PAGE4: variants seen among roughly 807,000 people sequenced by gnomAD.
PAGE4 encodes P antigen family member 4.
A neutral mutation model predicts 8.5 loss-of-function variants in PAGE4; 1 was observed. The ratio of observed to expected loss-of-function variants is 0.12; its 90% CI spans 0.04 to 0.56. The LOEUF is 0.56. Among genes scored for constraint, PAGE4 ranks in the 20% least tolerant of loss-of-function variants. The pLI is 0.91. For missense variants in PAGE4, 93 were observed against 82.7 expected (o/e 1.13, Z -0.49); for synonymous variants, 26 against 26.3 (o/e 0.99, Z 0.04).
At chrX:49,830,251 G>T in intron 1 of PAGE4, 148 bp from the exon 2 acceptor site, 1 of 375,283 alleles carries the variant, frequency 2.7e-6, no homozygotes, top group South Asian at 6.6e-5. Context: ...AAAGCAGTTT[G>T]CAGATAGATT....
intron 4 of PAGE4, among the ~76,000 whole-genome samples, chrX:49,833,174 T>C (rs1557156802): frequency 8.9e-6 from 1 of 111,797 alleles, no homozygotes; most frequent in African/African-American, 3.2e-5. Context: ...TGTATATATT[T>C]TTTAACGTGC....
chrX:49,833,759 C>T (rs1422849946), intron 4 of PAGE4, 87 bp from the exon 5 acceptor site: 1 of 680,281 alleles, frequency 1.5e-6, no homozygotes, highest in East Asian at 3.4e-5. Flanking sequence ...CTTAAGAAAC[C>T]AAAACTAGTG....
At chrX:49,833,390 C>T (rs782312188) in intron 4 of PAGE4, among the ~76,000 whole-genome samples, 1 of 112,041 alleles carries the variant, frequency 8.9e-6, no homozygotes, top group African/African-American at 3.2e-5. Context: ...AATGGAATGG[C>T]ATTCTTTGAC....
intron 3 of PAGE4, 109 bp downstream of exon 3, chrX:49,831,193 C>T (rs1923469488): frequency 1.9e-6 from 1 of 517,009 alleles, no homozygotes; most frequent in South Asian, 2.9e-5. Flanking sequence ...TAAAGTAATC[C>T]TTGGTAAGGG....
rs1557156521 is a variant in PAGE4 at position 49,831,021 on chromosome X, C to A, written c.103C>A (p.Pro35Thr). Residue 35 changes from proline (P) to threonine (T), a missense_variant, in exon 3 of 5, where the codon CCA becomes ACA. Pro to Thr is a conservative substitution (Grantham distance 38). Transcript: ENST00000218068. ...GCCCGGTGAATCTCAGCAAGAGGAA[C>A]CACCAACTGACAATCAGGATATTGA... ...VAPGESQQEE[P>T]PTDNQDIEPG... 1 of 1,192,872 alleles carries A rather than the reference C, an allele frequency of 8.4e-7. No individual in the cohort carries two copies. Among genetic ancestry groups the A allele is most frequent in the South Asian group, 1.9e-5 (1 of 53,519 alleles).
At chrX:49,829,791 C>T (rs1923420951) in intron 1 of PAGE4, 1 of 112,065 alleles carries the variant, frequency 8.9e-6, no homozygotes, top group African/African-American at 3.2e-5. Context: ...GACTGAGACT[C>T]AGTGGGTGGG....
chrX:49,830,884 C>T, intron 2 of PAGE4, 113 bp from the exon 3 acceptor site: 1 of 520,324 alleles, frequency 1.9e-6, no homozygotes, highest in Non-Finnish European at 3.3e-6. Flanking sequence ...AAAACCTCTT[C>T]AGATTTATTT....
At chrX:49,830,224 C>A (rs112946017) in intron 1 of PAGE4, 175 bp from the exon 2 acceptor site, 1 of 356,452 alleles carries the variant, frequency 2.8e-6, no homozygotes, top group Non-Finnish European at 4.8e-6. Context: ...CTCTGCCGAG[C>A]TGGCTGTGGA....
chrX:49,831,321 T>C, intron 3 of PAGE4: 1 of 346,068 alleles, frequency 2.9e-6, no homozygotes, highest in Non-Finnish European at 4.9e-6. Context: ...TTGCCAAGAC[T>C]CTATATTAGC....
rs781854264 is a variant in PAGE4, at chrX:49,832,612, C to T, written c.254C>T (p.Thr85Ile). 2.5e-6 allele frequency: 3 copies of T among 1,202,540 alleles called. No individual in the cohort carries two copies. The highest frequency in any genetic ancestry group is 3.4e-6 in the Non-Finnish European group (3 of 889,418). The change falls in exon 4 of 5, where the codon ACT becomes ATT. Residue 85 changes from threonine to isoleucine, a missense_variant. Physicochemically the swap from Thr to Ile is moderately conservative, Grantham distance 89. Coordinates refer to ENST00000218068, the MANE Select transcript of PAGE4 (RefSeq NM_007003.4). ...GATGGCTCTGATGTAAAAGAGAAGA[C>T]TCCACCTAATCCTAAGCATGCTAAG... ...RGDGSDVKEK[T>I]PPNPKHAKTK...
intron 3 of PAGE4, among the ~76,000 whole-genome samples, chrX:49,832,102 A>C (rs1923494749): frequency 8.9e-6 from 1 of 111,755 alleles, no homozygotes; most frequent in Admixed American, 9.5e-5. Flanking sequence ...AATGTTCTTT[A>C]ATTTGGGTTT....
chrX:49,832,465 A>G, intron 3 of PAGE4, 60 bp from the exon 4 acceptor site: 1 of 801,629 alleles, frequency 1.2e-6, no homozygotes, highest in Non-Finnish European at 1.8e-6. Flanking sequence ...AGCTTTATTT[A>G]ATAACACTAA....
Position 49,830,418 on chromosome X carries a change from T to C in PAGE4, c.-11T>C. The C allele has an allele frequency of 8.5e-7, 1 of 1,173,448 alleles. No homozygotes were observed. On this transcript the variant is annotated 5_prime_UTR_variant, in exon 2 of 5. Transcript: ENST00000218068. ...TTGCAGTCTTCAGTTCACGATCTTC[T>C]AGTTGCAGCGATGAGTGCACGAGTG...
chrX:49,830,303 C>T, intron 1 of PAGE4, 96 bp from the exon 2 acceptor site: 1 of 435,784 alleles, frequency 2.3e-6, no homozygotes. Flanking sequence ...ATTATTAACT[C>T]AGGACCTATT....
At chrX:49,832,822 T>G (rs1923519140) in intron 4 of PAGE4, among the ~76,000 whole-genome samples, 172 bp downstream of exon 4, 1 of 112,163 alleles carries the variant, frequency 8.9e-6, no homozygotes, top group African/African-American at 3.2e-5. Flanking sequence ...GTTGTTGAAT[T>G]ATAAAATATG....
chrX:49,833,889 C>T lies in PAGE4; in HGVS notation c.*27C>T, dbSNP rs782233911. On this transcript the variant is annotated 3_prime_UTR_variant, in exon 5 of 5. Transcript: ENST00000218068. Reference sequence around the variant, plus strand: ...TTAAAAAGAAGACAAGCTGAAGCTACACACATGGCTGATGTCACATTGAAA... The same window carrying T: ...TTAAAAAGAAGACAAGCTGAAGCTATACACATGGCTGATGTCACATTGAAA... The T allele has an allele frequency of 2.7e-6, 3 of 1,124,056 alleles. No homozygotes were observed. The South Asian group carries it at 5.7e-5, about 21-fold the overall frequency. The allele number at this position is 1,124,056 out of a possible 1,213,427, so 92.6% of individuals were successfully genotyped here. A position where few individuals can be genotyped will look rare whatever the true frequency, so the allele number is the denominator to read the frequency against.
rs144918848 is a variant in PAGE4, at chrX:49,830,198, G to T, written c.-30-201G>T. ...GGAAAGACCCCATGTTTTGATCTAG[G>T]ACTTGAAGATCACTTCTCTGCCGAG... On this transcript the variant is annotated intron_variant, in intron 1 of 4. Transcript: ENST00000218068. The T allele has an allele frequency of 3.1e-3, 1,030 of 333,808 alleles. 12 individuals carry two copies. The highest frequency in any genetic ancestry group is 0.025 in the African/African-American group (961 of 37,871). The allele number at this position is 333,808 out of a possible 1,213,427, so 27.5% of individuals were successfully genotyped here. A position where few individuals can be genotyped will look rare whatever the true frequency, so the allele number is the denominator to read the frequency against.
intron 4 of PAGE4, among the ~76,000 whole-genome samples, chrX:49,833,254 T>A (rs1557156812): frequency 8.9e-6 from 1 of 111,807 alleles, no homozygotes; most frequent in East Asian, 2.8e-4. Flanking sequence ...AAGGGAATGC[T>A]ATGAATACAA....
chrX:49,830,576 G>A, intron 2 of PAGE4, 70 bp downstream of exon 2: 3 of 758,709 alleles, frequency 4.0e-6, no homozygotes, highest in Non-Finnish European at 5.9e-6. Flanking sequence ...CTAAAACATT[G>A]TTAACCAATA....
Sources: gnomAD v4.1 joint callset for allele counts (sites outside exome capture counted in the v4.1 genomes callset) on GRCh38, gnomAD v4.1.1 for gene constraint, MANE v1.5 for transcripts, NCBI Gene and HGNC (gene_info 2026-07-23, HGNC 2026-07-21) for gene names.